The following RBFOX1 variants were observed in gnomAD, a reference collection of about 807,000 sequenced individuals.
The protein encoded by RBFOX1 is RNA binding fox-1 homolog 1.
A neutral mutation model predicts 57.7 loss-of-function variants in RBFOX1; 8 were observed. That is an observed-to-expected ratio of 0.14 (90% confidence interval 0.08 to 0.25). The LOEUF is 0.25. Among genes scored for constraint, RBFOX1 ranks in the 10% least tolerant of loss-of-function variants. RBFOX1 has a pLI of 1.00. For synonymous variants in RBFOX1, 326 were observed against 222.4 expected, an observed-to-expected ratio of 1.47 and a Z score of -4.15; for missense variants, 611 against 548.5, an observed-to-expected ratio of 1.11 and a Z score of -1.14.
At chr16:5,729,870 C>T (rs9923310) in intron 3 of RBFOX1, among the ~76,000 whole-genome samples, 66,734 of 151,984 alleles carry the variant, frequency 0.44, 18,184 homozygotes, top group East Asian at 0.8. Flanking sequence ...TTGAGGGAGG[C>T]AAATCCTAGC....
intron 3 of RBFOX1, among the ~76,000 whole-genome samples, chr16:7,023,375 G>T (rs377273806): frequency 6.6e-6 from 1 of 151,372 alleles, no homozygotes; most frequent in Non-Finnish European, 1.5e-5. Flanking sequence ...CAGGAGAATT[G>T]CTTGAACCCA....
In RBFOX1 at chr16:6,954,711, G is replaced by A. The variant is rs1016529382; in HGVS notation, c.-15-97346G>A. Among the ~76,000 whole-genome samples the A allele has an allele frequency of 3.9e-5, 6 of 152,172 alleles. No homozygotes were observed. The East Asian group carries it at 7.8e-4, about 20-fold the overall frequency. On this transcript the variant is annotated intron_variant, in intron 3 of 15. Transcript: ENST00000550418. ...TCTTAAGTGCAGGTGCCCAAGTCTA[G>A]CCATAGGTGAGGAGATGAGCCCCAG... is the stretch of plus-strand genomic sequence containing the variant.
intron 2 of RBFOX1, among the ~76,000 whole-genome samples, chr16:6,345,142 T>C (rs150052495): frequency 2.4e-4 from 37 of 152,304 alleles, no homozygotes; most frequent in African/African-American, 8.2e-4. Context: ...CTCTCCTAGG[T>C]AGACTTAAAC....
intron 3 of RBFOX1, among the ~76,000 whole-genome samples, chr16:5,816,120 C>T (rs74004613): frequency 0.031 from 4,768 of 152,210 alleles, 205 homozygotes; most frequent in African/African-American, 0.1. Context: ...GCATTAGTTC[C>T]AATTTGCAAA....
At chr16:7,143,001 G>T (rs1416802578) in intron 4 of RBFOX1, among the ~76,000 whole-genome samples, 1 of 151,650 alleles carries the variant, frequency 6.6e-6, no homozygotes, top group African/African-American at 2.4e-5. Context: ...GGGACTGGGT[G>T]GTTGAGAGTG....
chr16:7,335,316 C>T (rs536598250), intron 4 of RBFOX1, among the ~76,000 whole-genome samples: 1 of 152,232 alleles, frequency 6.6e-6, no homozygotes, highest in African/African-American at 2.4e-5. Context: ...TCTATCACCA[C>T]CTAAATATGT....
At chr16:6,521,192 G>A (rs2096490583) in intron 2 of RBFOX1, among the ~76,000 whole-genome samples, 2 of 152,062 alleles carry the variant, frequency 1.3e-5, no homozygotes, top group African/African-American at 4.8e-5. Context: ...AATGGGTATT[G>A]CTTAAATTAT....
At chr16:7,363,540 C>G (rs1036572967) in intron 4 of RBFOX1, among the ~76,000 whole-genome samples, 1 of 152,072 alleles carries the variant, frequency 6.6e-6, no homozygotes, top group African/African-American at 2.4e-5. Context: ...GCCTCTCAGC[C>G]TGGCAAAGTG....
chr16:6,952,376 G>T (rs768526299), intron 3 of RBFOX1, among the ~76,000 whole-genome samples: 1 of 152,176 alleles, frequency 6.6e-6, no homozygotes, highest in African/African-American at 2.4e-5. Context: ...GTTGGGCATG[G>T]TGGTTCACAC....
At chr16:6,713,619 T>A (rs1438168517) in intron 3 of RBFOX1, among the ~76,000 whole-genome samples, 1 of 152,098 alleles carries the variant, frequency 6.6e-6, no homozygotes, top group East Asian at 1.9e-4. Flanking sequence ...ATCCTTCCTT[T>A]CTCCATTGGG....
At chr16:5,575,538 C>G (rs961650527) in intron 2 of RBFOX1, among the ~76,000 whole-genome samples, 15 of 152,190 alleles carry the variant, frequency 9.9e-5, no homozygotes, top group African/African-American at 3.6e-4. Context: ...TCTGACAGTA[C>G]ACTGCCTGGC....
At chr16:6,596,672 A>C (rs2097779602) in intron 2 of RBFOX1, among the ~76,000 whole-genome samples, 1 of 152,212 alleles carries the variant, frequency 6.6e-6, no homozygotes, top group Non-Finnish European at 1.5e-5. Context: ...TATGTGACTT[A>C]GATAATCATT....
At chr16:7,424,096 T>G (rs2098579649) in intron 4 of RBFOX1, among the ~76,000 whole-genome samples, 1 of 152,214 alleles carries the variant, frequency 6.6e-6, no homozygotes, top group African/African-American at 2.4e-5. Flanking sequence ...GAGTCTCTTT[T>G]TTAAGCATTC....
chr16:6,784,048 C>G (rs2081489787), intron 3 of RBFOX1, among the ~76,000 whole-genome samples: 1 of 152,078 alleles, frequency 6.6e-6, no homozygotes, highest in Non-Finnish European at 1.5e-5. Context: ...CTTATTTTCT[C>G]CTGCTACTCT....
chr16:6,290,281 G>C (rs1599245374), intron 1 of RBFOX1, among the ~76,000 whole-genome samples: 1 of 150,418 alleles, frequency 6.6e-6, no homozygotes, highest in South Asian at 2.1e-4. Flanking sequence ...ATATGGAGAA[G>C]GGGTAAGAAA....
chr16:6,156,339 G>T (rs915682043), intron 1 of RBFOX1, among the ~76,000 whole-genome samples: 2 of 152,164 alleles, frequency 1.3e-5, no homozygotes, highest in Admixed American at 1.3e-4. Flanking sequence ...TTTCACAGGG[G>T]CCTTTTCTAG....
intron 3 of RBFOX1, among the ~76,000 whole-genome samples, chr16:6,898,265 C>T (rs536329491): frequency 1.3e-5 from 2 of 152,208 alleles, no homozygotes; most frequent in African/African-American, 4.8e-5. Context: ...GATCACCTGC[C>T]ATCCTCAAGC....
intron 4 of RBFOX1, among the ~76,000 whole-genome samples, chr16:7,228,367 G>A (rs530299611): frequency 2.0e-5 from 3 of 152,104 alleles, no homozygotes; most frequent in South Asian, 2.1e-4. Flanking sequence ...ACTACCCCCC[G>A]CTGTCATTAT....
At chr16:6,528,528 C>G (rs1415411956) in intron 2 of RBFOX1, among the ~76,000 whole-genome samples, 2 of 152,178 alleles carry the variant, frequency 1.3e-5, no homozygotes, top group Non-Finnish European at 1.5e-5. Flanking sequence ...AAGGAGGTGT[C>G]CTTCACACGT....
Sources: gnomAD v4.1 joint callset for allele counts (sites outside exome capture counted in the v4.1 genomes callset) on GRCh38, gnomAD v4.1.1 for gene constraint, MANE v1.5 for transcripts, NCBI Gene and HGNC (gene_info 2026-07-23, HGNC 2026-07-21) for gene names.